ARFGEF3: variants seen among roughly 807,000 people sequenced by gnomAD.
The protein encoded by ARFGEF3 is ARFGEF family member 3.
Under a neutral mutation model 221.7 loss-of-function variants are expected in ARFGEF3, and 96 were observed. The observed-to-expected ratio is 0.43, with a 90% CI of 0.37 to 0.51. The LOEUF is 0.51. Ranked by LOEUF, ARFGEF3 falls within the 20% of genes least tolerant of loss-of-function variation. The pLI, the probability that ARFGEF3 is intolerant of heterozygous loss-of-function variation, is 0.00. For synonymous variants in ARFGEF3, 1,145 were observed against 1,126.8 expected (o/e 1.02, Z -0.32); for missense variants, 2,410 against 2,789.9 (o/e 0.86, Z 3.07).
rs1289095743 is a variant in ARFGEF3, at chr6:138,327,488, T to TGAA, written c.5002-532_5002-530dup. The stretch of plus-strand genomic sequence containing the variant: ...TTCTAATATTTCCAGAGGAAAGTAG[T>TGAA]GAAAGTATTTTAAGTCATGTAAAAG... On this transcript the variant is annotated intron_variant, in intron 31 of 33. Transcript: ENST00000251691. Among the ~76,000 whole-genome samples the TGAA allele has an allele frequency of 2.0e-5, 3 of 152,116 alleles. No homozygotes were observed. The East Asian group carries it at 5.8e-4, about 29-fold the overall frequency.
rs73774682 is a variant in ARFGEF3 at position 138,195,904 on chromosome 6, G to C, written c.138-11138G>C. On this transcript the variant is annotated intron_variant, in intron 2 of 33. Coordinates refer to ENST00000251691, the MANE Select transcript of ARFGEF3 (RefSeq NM_020340.5). ...TGAGGAGCAGCTTACAGCATTTCAC[G>C]GCAGGAAGTTGTAAAATTGACATGT... 9.8e-3 allele frequency among the ~76,000 whole-genome samples: 1,492 copies of C among 151,752 alleles called. 29 individuals carry two copies. Among genetic ancestry groups the C allele is most frequent in the African/African-American group, 0.034 (1,400 of 41,354 alleles).
intron 29 of ARFGEF3, among the ~76,000 whole-genome samples, chr6:138,321,693 T>C (rs1325394522): frequency 6.6e-6 from 1 of 152,158 alleles, no homozygotes; most frequent in Non-Finnish European, 1.5e-5. Context: ...AAACTAAAAA[T>C]AGAGGTATCA....
intron 4 of ARFGEF3, 34 bp downstream of exon 4, chr6:138,210,075 G>A (rs2114498174): frequency 6.2e-7 from 1 of 1,608,162 alleles, no homozygotes; most frequent in East Asian, 2.2e-5. Flanking sequence ...GTGCGTCACT[G>A]GGACAGGAAC....
At chr6:138,314,878 C>T (rs1779895430) in intron 26 of ARFGEF3, among the ~76,000 whole-genome samples, 1 of 152,200 alleles carries the variant, frequency 6.6e-6, no homozygotes, top group Admixed American at 6.5e-5. Context: ...ATAATTCTAT[C>T]ACAATAAGTC....
chr6:138,212,798 T>C (rs1777756972), intron 4 of ARFGEF3, among the ~76,000 whole-genome samples: 1 of 152,104 alleles, frequency 6.6e-6, no homozygotes, highest in Admixed American at 6.5e-5. Context: ...ACACCACATG[T>C]TCTCACTTAT....
chr6:138,167,784 G>A (rs1776750010), intron 1 of ARFGEF3, among the ~76,000 whole-genome samples: 1 of 152,152 alleles, frequency 6.6e-6, no homozygotes, highest in Non-Finnish European at 1.5e-5. Context: ...TTCCCAAGTA[G>A]TGTCACCTTG....
intron 2 of ARFGEF3, among the ~76,000 whole-genome samples, chr6:138,172,650 C>T (rs932547679): frequency 6.6e-6 from 1 of 152,068 alleles, no homozygotes. Flanking sequence ...TCCTTCATTC[C>T]CTTATTATTT....
intron 26 of ARFGEF3, among the ~76,000 whole-genome samples, chr6:138,316,055 T>G (rs1427037385): frequency 6.6e-6 from 1 of 152,188 alleles, no homozygotes; most frequent in East Asian, 1.9e-4. Flanking sequence ...CTAATGTTGT[T>G]TATCTATAAT....
chr6:138,165,203 G>A (rs9484119), intron 1 of ARFGEF3, among the ~76,000 whole-genome samples: 4,526 of 151,506 alleles, frequency 0.03, 141 homozygotes, highest in African/African-American at 0.077. Flanking sequence ...ACCATTGTGC[G>A]AGACAGGGGT....
chr6:138,231,697 T>C (rs969396189), intron 5 of ARFGEF3, among the ~76,000 whole-genome samples: 1 of 152,206 alleles, frequency 6.6e-6, no homozygotes, highest in African/African-American at 2.4e-5. Context: ...AGAAGGAATC[T>C]AGATGTTCTC....
intron 4 of ARFGEF3, among the ~76,000 whole-genome samples, chr6:138,213,465 A>G (rs1455430596): frequency 4.0e-5 from 6 of 151,640 alleles, no homozygotes; most frequent in African/African-American, 1.5e-4. Flanking sequence ...AAAAAAAAAT[A>G]TTGTCACTAA....
chr6:138,331,696 A>C (rs1046987404), intron 32 of ARFGEF3, among the ~76,000 whole-genome samples: 3 of 152,264 alleles, frequency 2.0e-5, no homozygotes, highest in South Asian at 2.1e-4. Context: ...GCCCTTAAGC[A>C]GCAGGAGGAT....
At chr6:138,205,186 T>C (rs1309645149) in intron 2 of ARFGEF3, among the ~76,000 whole-genome samples, 3 of 152,332 alleles carry the variant, frequency 2.0e-5, no homozygotes, top group African/African-American at 4.8e-5. Context: ...GGACATGGCA[T>C]CCAATCTTGT....
intron 23 of ARFGEF3, 103 bp from the exon 24 acceptor site, chr6:138,308,636 C>T: frequency 7.8e-7 from 1 of 1,279,452 alleles, no homozygotes; most frequent in Non-Finnish European, 1.1e-6. Flanking sequence ...GTAGATCTTT[C>T]TCAAGATCTG....
intron 2 of ARFGEF3, among the ~76,000 whole-genome samples, chr6:138,174,469 TAAAAAAAAAAAAAAAAAAAAAA>T (rs35236693): frequency 1.6e-4 from 4 of 25,302 alleles, no homozygotes; most frequent in South Asian, 5.3e-3. Context: ...GAGCATCTGC[TAAAAAAAAAAAAAAAAAAAAAA>T]AAAAAAAAAA....
At chr6:138,241,589 C>T (rs759426869) in intron 6 of ARFGEF3, among the ~76,000 whole-genome samples, 3 of 152,188 alleles carry the variant, frequency 2.0e-5, no homozygotes, top group Non-Finnish European at 4.4e-5. Flanking sequence ...TTTTCCCGGG[C>T]GTGCCCTAAA....
At chr6:138,298,834 A>C in intron 22 of ARFGEF3, 49 bp downstream of exon 22, 1 of 1,422,994 alleles carries the variant, frequency 7.0e-7, no homozygotes. Flanking sequence ...TACTGAGTGC[A>C]GTGGCAGGCA....
At position 138,289,843 on chromosome 6, in the gene ARFGEF3, G is replaced by A; in HGVS notation, c.2922G>A (p.Leu974=). The A allele has an allele frequency of 6.2e-7, 1 of 1,613,904 alleles. No homozygotes were observed. Among genetic ancestry groups the A allele is most frequent in the Non-Finnish European group, 8.5e-7 (1 of 1,179,832 alleles). ...TQVKLKVEQK[L]EQIGKVQGVW... Reference sequence around the variant, plus strand: ...TGAAACTAAAAGTGGAGCAGAAACTGGAGCAGATTGGGAAGGTGCAGGGGG... The same window carrying A: ...TGAAACTAAAAGTGGAGCAGAAACTAGAGCAGATTGGGAAGGTGCAGGGGG... The change falls in exon 18 of 34, where the codon CTG becomes CTA. Residue 974 remains leucine (L), a synonymous_variant. Transcript: ENST00000251691.
chr6:138,164,207 A>G (rs1776675397), intron 1 of ARFGEF3, among the ~76,000 whole-genome samples: 1 of 146,954 alleles, frequency 6.8e-6, no homozygotes, highest in African/African-American at 2.7e-5. Flanking sequence ...ATTACAAAAC[A>G]CCTGTCACTC....
Sources: gnomAD v4.1 joint callset for allele counts (sites outside exome capture counted in the v4.1 genomes callset) on GRCh38, gnomAD v4.1.1 for gene constraint, MANE v1.5 for transcripts, NCBI Gene and HGNC (gene_info 2026-07-23, HGNC 2026-07-21) for gene names.